SORCS2: variants seen among roughly 807,000 people sequenced by gnomAD.
SORCS2 encodes the protein sortilin related VPS10 domain containing receptor 2, also known as VPS10 domain-containing receptor SorCS2.
A neutral mutation model predicts 141.6 loss-of-function variants in SORCS2; 100 were observed. The ratio of observed to expected loss-of-function variants is 0.71; its 90% CI spans 0.60 to 0.83. The LOEUF (loss-of-function observed/expected upper bound fraction) is 0.83, where lower values mean the gene tolerates loss of function less well. Among genes scored for constraint, SORCS2 ranks in the 40% least tolerant of loss-of-function variants. The pLI, the probability that SORCS2 is intolerant of heterozygous loss-of-function variation, is 0.00. For synonymous variants in SORCS2, 789 were observed against 676.9 expected (o/e 1.17, Z -2.57); for missense variants, 1,646 against 1,560.2 (o/e 1.05, Z -0.93).
intron 2 of SORCS2, 77 bp from the exon 3 acceptor site, chr4:7,531,453 G>A: frequency 7.2e-7 from 1 of 1,397,294 alleles, no homozygotes; most frequent in Non-Finnish European, 1.0e-6. Flanking sequence ...CACAGGGCAG[G>A]GGCTGGACAC....
chr4:7,346,058 A>G (rs545540103), intron 1 of SORCS2, among the ~76,000 whole-genome samples: 1 of 151,968 alleles, frequency 6.6e-6, no homozygotes, highest in East Asian at 1.9e-4. Context: ...TGTTTCATTT[A>G]TTTCTGCTCT....
chr4:7,356,827 A>C (rs1457617802), intron 1 of SORCS2, among the ~76,000 whole-genome samples: 1 of 152,210 alleles, frequency 6.6e-6, no homozygotes, highest in Non-Finnish European at 1.5e-5. Flanking sequence ...CACGTTGATG[A>C]ATGAATGATC....
chr4:7,497,105 T>C (rs1422100122), intron 2 of SORCS2, among the ~76,000 whole-genome samples: 1 of 152,242 alleles, frequency 6.6e-6, no homozygotes, highest in Admixed American at 6.5e-5. Context: ...CAAAGAGAGA[T>C]GGCCAGGGTC....
intron 2 of SORCS2, among the ~76,000 whole-genome samples, chr4:7,521,721 G>C (rs1733342038): frequency 6.6e-6 from 1 of 152,168 alleles, no homozygotes; most frequent in Admixed American, 6.5e-5. Flanking sequence ...CCAGTCTGGG[G>C]TTCCCTTTGG....
intron 2 of SORCS2, among the ~76,000 whole-genome samples, chr4:7,503,373 T>C (rs1732087941): frequency 2.0e-5 from 3 of 152,196 alleles, no homozygotes; most frequent in Admixed American, 2.0e-4. Context: ...AGGTTGGCAG[T>C]GACTTTGACT....
At chr4:7,302,945 C>A (rs1362973268) in intron 1 of SORCS2, among the ~76,000 whole-genome samples, 1 of 152,158 alleles carries the variant, frequency 6.6e-6, no homozygotes, top group East Asian at 1.9e-4. Flanking sequence ...GGTTTGTGTG[C>A]CCCTAGCTGC....
At chr4:7,519,277 C>G (rs1332033862) in intron 2 of SORCS2, among the ~76,000 whole-genome samples, 4 of 152,204 alleles carry the variant, frequency 2.6e-5, no homozygotes, top group Non-Finnish European at 5.9e-5. Context: ...TCAGTTGGGA[C>G]AAGAGCCATT....
At chr4:7,434,960 G>A in intron 2 of SORCS2, 1 of 1,450,638 alleles carries the variant, frequency 6.9e-7, no homozygotes. Flanking sequence ...GGCCCCAGAG[G>A]AGGCACGGAA....
chr4:7,358,377 G>A lies in SORCS2; in HGVS notation c.481-37911G>A, dbSNP rs575485253. Among the ~76,000 whole-genome samples, 4 of 152,330 alleles carry A rather than the reference G, an allele frequency of 2.6e-5. No individual in the cohort carries two copies. The East Asian group carries it at 7.7e-4, about 29-fold the overall frequency. On this transcript the variant is annotated intron_variant, in intron 1 of 26. Transcript: ENST00000507866. The stretch of plus-strand genomic sequence containing the variant: ...TGATGCAGGAATTGAGGCTCAGAGA[G>A]GTTAGCGTTAGTTCCCAAAGTCACA...
At chr4:7,239,066 C>G (rs1268086655) in intron 1 of SORCS2, among the ~76,000 whole-genome samples, 1 of 152,240 alleles carries the variant, frequency 6.6e-6, no homozygotes, top group Admixed American at 6.5e-5. Context: ...AGGAGACTCC[C>G]CCGTCCTCTT....
chr4:7,294,504 C>A (rs1291574682), intron 1 of SORCS2, among the ~76,000 whole-genome samples: 1 of 147,058 alleles, frequency 6.8e-6, no homozygotes, highest in Non-Finnish European at 1.5e-5. Flanking sequence ...CCCCAGGGAG[C>A]TCCTCCTCCA....
intron 2 of SORCS2, among the ~76,000 whole-genome samples, chr4:7,522,996 C>T (rs1350507349): frequency 7.2e-6 from 1 of 139,438 alleles, no homozygotes; most frequent in Non-Finnish European, 1.5e-5. Flanking sequence ...TCTTCTCCTT[C>T]CTCCCACTCT....
At chr4:7,325,788 G>A (rs776034103) in intron 1 of SORCS2, among the ~76,000 whole-genome samples, 5 of 152,086 alleles carry the variant, frequency 3.3e-5, no homozygotes, top group Non-Finnish European at 7.4e-5. Flanking sequence ...CCCACCCTCC[G>A]GTCTTCTTGC....
intron 9 of SORCS2, among the ~76,000 whole-genome samples, chr4:7,676,631 A>ATCTCTCTCCCTCTCTCCC (rs1723130455): frequency 1.4e-5 from 2 of 142,948 alleles, no homozygotes; most frequent in Non-Finnish European, 3.1e-5. Context: ...TGAGTGCCCC[A>ATCTCTCTCCCTCTCTCCC]TCTCTCTCCC....
intron 1 of SORCS2, among the ~76,000 whole-genome samples, chr4:7,275,643 G>T (rs1715454714): frequency 6.6e-6 from 1 of 152,130 alleles, no homozygotes; most frequent in African/African-American, 2.4e-5. Flanking sequence ...CCTGGTTCTA[G>T]AATTTCTTCC....
chr4:7,460,664 G>A (rs60573952), intron 2 of SORCS2, among the ~76,000 whole-genome samples: 7,369 of 152,234 alleles, frequency 0.048, 629 homozygotes, highest in African/African-American at 0.17. Context: ...GGTGACATTA[G>A]TTTCTTGTAG....
chr4:7,712,784 C>A lies in SORCS2; in HGVS notation c.1920C>A (p.Asp640Glu). Residue 640 changes from aspartate to glutamate, a missense_variant, in exon 15 of 27, where the codon GAC becomes GAA. Asp to Glu is a conservative substitution (Grantham distance 45). Coordinates refer to ENST00000507866, the MANE Select transcript of SORCS2 (RefSeq NM_020777.3). ...FRSDWELVKV[D>E]FRPSFSRQCG... ...CCGATTGGGAGCTGGTCAAGGTGGA[C>A]TTCCGGCCCTCATTCTCCAGGCAGT... The A allele has an allele frequency of 6.2e-7, 1 of 1,613,916 alleles. No homozygotes were observed. The highest frequency in any genetic ancestry group is 8.5e-7 in the Non-Finnish European group (1 of 1,179,796).
At chr4:7,556,352 G>A (rs1389958406) in intron 3 of SORCS2, among the ~76,000 whole-genome samples, 2 of 152,152 alleles carry the variant, frequency 1.3e-5, no homozygotes, top group Non-Finnish European at 2.9e-5. Context: ...CTGACGTTTG[G>A]TATATTAGCA....
At chr4:7,621,682 C>A (rs1178595982) in intron 3 of SORCS2, among the ~76,000 whole-genome samples, 1 of 152,166 alleles carries the variant, frequency 6.6e-6, no homozygotes, top group African/African-American at 2.4e-5. Flanking sequence ...AACACTTTTG[C>A]TGAACAAAAT....
Sources: allele counts gnomAD v4.1 joint callset (sites outside exome capture counted in the v4.1 genomes callset), GRCh38; gene constraint gnomAD v4.1.1; transcripts MANE v1.5; gene names NCBI Gene and HGNC (gene_info 2026-07-23, HGNC 2026-07-21).